The following LNX1 variants were observed in gnomAD, a reference collection of about 807,000 sequenced individuals.
LNX1 encodes the protein E3 ubiquitin-protein ligase LNX.
In LNX1, 54 loss-of-function variants were observed where a neutral mutation model predicts 68.4. The observed-to-expected ratio is 0.79, with a 90% CI of 0.63 to 0.99. The LOEUF (loss-of-function observed/expected upper bound fraction) is 0.99, where lower values mean the gene tolerates loss of function less well. Ranked by LOEUF, LNX1 falls within the 50% of genes least tolerant of loss-of-function variation. The probability of loss-of-function intolerance (pLI) is 0.00; values close to 1 mark genes in which losing one functional copy is unlikely to be tolerated. For missense variants in LNX1, 906 were observed against 926.4 expected (o/e 0.98, Z 0.29); for synonymous variants, 336 against 350.0 (o/e 0.96, Z 0.45).
At chr4:53,626,557 AC>A (rs763774500) in intron 1 of LNX1, among the ~76,000 whole-genome samples, 1 of 152,224 alleles carries the variant, frequency 6.6e-6, no homozygotes, top group Non-Finnish European at 1.5e-5. Context: ...TGAAAAGATC[AC>A]CTGGCTTCAG....
At chr4:53,626,946 C>A (rs1223221775) in intron 1 of LNX1, among the ~76,000 whole-genome samples, 1 of 152,164 alleles carries the variant, frequency 6.6e-6, no homozygotes, top group Non-Finnish European at 1.5e-5. Flanking sequence ...GAAGACTGAA[C>A]CTTTACTCAT....
At chr4:53,564,365 C>T (rs1337048841) in intron 2 of LNX1, among the ~76,000 whole-genome samples, 9 of 151,950 alleles carry the variant, frequency 5.9e-5, no homozygotes, top group African/African-American at 2.2e-4. Flanking sequence ...TGGCTTCACC[C>T]TCAGATCCAC....
chr4:53,522,454 A>G (rs1277662218), intron 2 of LNX1, among the ~76,000 whole-genome samples: 1 of 152,250 alleles, frequency 6.6e-6, no homozygotes, highest in African/African-American at 2.4e-5. Flanking sequence ...AATAAAGCAG[A>G]CAGGCAAACA....
intron 1 of LNX1, among the ~76,000 whole-genome samples, chr4:53,585,295 A>G (rs1246730482): frequency 6.6e-6 from 1 of 152,328 alleles, no homozygotes; most frequent in East Asian, 1.9e-4. Flanking sequence ...ATAGAAATAA[A>G]TGAAGGTAGT....
chr4:53,505,955 T>C (rs917980247), intron 4 of LNX1, among the ~76,000 whole-genome samples: 1 of 152,162 alleles, frequency 6.6e-6, no homozygotes, highest in African/African-American at 2.4e-5. Context: ...TGTAATAAGC[T>C]GAGAGCTGTT....
At chr4:53,618,914 A>G (rs1318885012), upstream of LNX1, among the ~76,000 whole-genome samples, 1 of 151,890 alleles carries the variant, frequency 6.6e-6, no homozygotes, top group Non-Finnish European at 1.5e-5. Flanking sequence ...TTTTATATGT[A>G]TACATATTTT....
In LNX1 at chr4:53,584,060, C is replaced by T. The variant is rs369944320; in HGVS notation, c.-87+7328G>A. On this transcript the variant is annotated intron_variant, in intron 1 of 10. Coordinates refer to ENST00000263925, the MANE Select transcript of LNX1 (RefSeq NM_001126328.3). ...CAAGGATCCCGGGAAGAGCTGATAT[C>T]AGAGGGGTATGGAAAAGAAGCAAAC... Among the ~76,000 whole-genome samples, 102 of 152,238 alleles carry T rather than the reference C, an allele frequency of 6.7e-4. 3 individuals carry two copies. The South Asian group carries it at 0.02, about 30-fold the overall frequency.
chr4:53,472,685 CAAAAA>C (rs1309297098), intron 9 of LNX1, among the ~76,000 whole-genome samples: 1 of 74,780 alleles, frequency 1.3e-5, no homozygotes, highest in African/African-American at 4.8e-5. Flanking sequence ...ACAACAACAA[CAAAAA>C]AAAAAAAAAC....
upstream of LNX1, among the ~76,000 whole-genome samples, chr4:53,619,798 C>G (rs1733802502): frequency 6.6e-6 from 1 of 152,248 alleles, no homozygotes; most frequent in Admixed American, 6.5e-5. Context: ...ACTGTTTTTC[C>G]AAAGTGGTTG....
chr4:53,587,653 G>A (rs1732259094), intron 1 of LNX1, among the ~76,000 whole-genome samples: 2 of 151,906 alleles, frequency 1.3e-5, no homozygotes, highest in South Asian at 2.1e-4. Context: ...CTGGTCAAGA[G>A]AGTGAAAGGA....
intron 2 of LNX1, among the ~76,000 whole-genome samples, chr4:53,528,932 G>A (rs1238363322): frequency 6.6e-6 from 1 of 152,084 alleles, no homozygotes; most frequent in African/African-American, 2.4e-5. Flanking sequence ...TGGTTGGTGG[G>A]AAGAGGCTAC....
intron 1 of LNX1, among the ~76,000 whole-genome samples, chr4:53,637,535 A>G (rs1734526949): frequency 6.6e-6 from 1 of 152,144 alleles, no homozygotes; most frequent in Non-Finnish European, 1.5e-5. Flanking sequence ...CTTTTTCACA[A>G]CTCTGTGAAG....
At chr4:53,615,167 G>A (rs1733640432) in intron 2 of LNX1, among the ~76,000 whole-genome samples, 2 of 152,210 alleles carry the variant, frequency 1.3e-5, no homozygotes, top group Admixed American at 1.3e-4. Context: ...GAGATTTAGT[G>A]TAATAATGGC....
chr4:53,575,646 A>G (rs2109784962), intron 1 of LNX1: 1 of 1,343,614 alleles, frequency 7.4e-7, no homozygotes, highest in Non-Finnish European at 9.5e-7. Context: ...GCTGGGGATC[A>G]CTGGCACCAG....
At chr4:53,556,554 A>G (rs1384998415) in intron 2 of LNX1, among the ~76,000 whole-genome samples, 1 of 152,196 alleles carries the variant, frequency 6.6e-6, no homozygotes, top group Non-Finnish European at 1.5e-5. Context: ...CCATTGAGAG[A>G]GGAATGAGCC....
intron 1 of LNX1, among the ~76,000 whole-genome samples, chr4:53,641,661 C>T (rs1292456686): frequency 1.3e-5 from 2 of 152,172 alleles, no homozygotes; most frequent in African/African-American, 4.8e-5. Context: ...TTTTCTTTCT[C>T]TTTGTAATCT....
intron 2 of LNX1, among the ~76,000 whole-genome samples, chr4:53,561,337 C>T (rs1730271756): frequency 6.6e-6 from 1 of 152,140 alleles, no homozygotes; most frequent in Non-Finnish European, 1.5e-5. Context: ...AAACGATTCT[C>T]CTGCCTCAGC....
Position 53,496,243 on chromosome 4 carries a change from T to A in LNX1, c.1130A>T (p.Asp377Val). The change falls in exon 6 of 11, where the codon GAT (aspartate) becomes GTT (valine). Residue 377 changes from aspartate (D) to valine (V), a missense_variant. By Grantham distance (152) the Asp-to-Val change is radical. Transcript: ENST00000263925. ...GQAPDAYRPR[D>V]DSFHVILNKS... ...GTTGAGAATCACATGAAAGCTGTCA[T>A]CTCGGGGTCTGTAGGCATCCGGGGC... The A allele has an allele frequency of 6.2e-7, 1 of 1,614,142 alleles. No homozygotes were observed. The highest frequency in any genetic ancestry group is 8.5e-7 in the Non-Finnish European group (1 of 1,180,022).
At chr4:53,501,166 A>C (rs1725446544) in intron 4 of LNX1, among the ~76,000 whole-genome samples, 1 of 152,198 alleles carries the variant, frequency 6.6e-6, no homozygotes. Context: ...TCAAGGACTA[A>C]AGGATATAAT....
Sources: gnomAD v4.1 joint callset for allele counts (sites outside exome capture counted in the v4.1 genomes callset) on GRCh38, gnomAD v4.1.1 for gene constraint, MANE v1.5 for transcripts, NCBI Gene and HGNC (gene_info 2026-07-23, HGNC 2026-07-21) for gene names.